Variants in UTRN observed in about 807,000 individuals in gnomAD.
UTRN encodes the protein utrophin.
A neutral mutation model predicts 463.9 loss-of-function variants in UTRN; 283 were observed. That is an observed-to-expected ratio of 0.61 (90% CI 0.55 to 0.67). The LOEUF is 0.67. UTRN is among the 30% of genes least tolerant of loss of function. The pLI is 0.00. For missense variants in UTRN, 3,922 were observed against 4,084.3 expected, an observed-to-expected ratio of 0.96 and a Z score of 1.08; for synonymous variants, 1,442 against 1,431.5, an observed-to-expected ratio of 1.01 and a Z score of -0.17.
intron 2 of UTRN, among the ~76,000 whole-genome samples, chr6:144,333,467 T>C (rs1032599348): frequency 5.3e-5 from 8 of 152,230 alleles, no homozygotes; most frequent in African/African-American, 1.9e-4. Flanking sequence ...ATTTCTGTCA[T>C]GTTGAAGAAG....
chr6:144,493,848 C>CA (rs1375853540), intron 33 of UTRN, among the ~76,000 whole-genome samples: 4 of 150,420 alleles, frequency 2.7e-5, no homozygotes, highest in African/African-American at 4.9e-5. Context: ...AACAAATTTC[C>CA]AAAAAAAAAT....
At chr6:144,404,360 G>A (rs189645925) in intron 3 of UTRN, among the ~76,000 whole-genome samples, 1 of 152,138 alleles carries the variant, frequency 6.6e-6, no homozygotes, top group African/African-American at 2.4e-5. Flanking sequence ...TTTTATTCCA[G>A]AGACACAGGT....
At chr6:144,833,817 G>A (rs1217454199) in intron 69 of UTRN, among the ~76,000 whole-genome samples, 1 of 152,216 alleles carries the variant, frequency 6.6e-6, no homozygotes, top group African/African-American at 2.4e-5. Context: ...CTTCTGCCCC[G>A]GATAACACAG....
chr6:144,411,548 C>A (rs1227342067), intron 3 of UTRN, among the ~76,000 whole-genome samples: 1 of 152,100 alleles, frequency 6.6e-6, no homozygotes, highest in Non-Finnish European at 1.5e-5. Context: ...CATCACTATA[C>A]CGGTAACTTA....
chr6:144,686,593 T>A (rs1438050377), intron 52 of UTRN, among the ~76,000 whole-genome samples: 1 of 152,216 alleles, frequency 6.6e-6, no homozygotes, highest in African/African-American at 2.4e-5. Context: ...CATACATGTT[T>A]AGGATTGTAG....
intron 51 of UTRN, among the ~76,000 whole-genome samples, chr6:144,672,245 T>C (rs1160718337): frequency 6.6e-6 from 1 of 151,948 alleles, no homozygotes; most frequent in African/African-American, 2.4e-5. Context: ...CCAGTTCTTC[T>C]TTGAATGTCT....
intron 69 of UTRN, among the ~76,000 whole-genome samples, chr6:144,829,078 C>G (rs963151098): frequency 2.0e-5 from 3 of 152,108 alleles, no homozygotes; most frequent in African/African-American, 7.2e-5. Context: ...AAAAATCTTA[C>G]ATTTGTCAAC....
At chr6:144,349,271 G>A (rs1176933403) in intron 2 of UTRN, among the ~76,000 whole-genome samples, 1 of 152,208 alleles carries the variant, frequency 6.6e-6, no homozygotes, top group Non-Finnish European at 1.5e-5. Flanking sequence ...GCCTCCCAAA[G>A]TGCTGGGATT....
chr6:144,562,522 A>G (rs1445891347), intron 50 of UTRN, among the ~76,000 whole-genome samples: 3 of 152,176 alleles, frequency 2.0e-5, no homozygotes, highest in Non-Finnish European at 4.4e-5. Flanking sequence ...TGTCCCAGCA[A>G]AGGACATGAT....
At chr6:144,418,785 C>G (rs1166765899) in intron 3 of UTRN, among the ~76,000 whole-genome samples, 2 of 152,002 alleles carry the variant, frequency 1.3e-5, no homozygotes, top group African/African-American at 4.8e-5. Flanking sequence ...AATTCCTGCT[C>G]AAGTGATCCT....
intron 62 of UTRN, among the ~76,000 whole-genome samples, chr6:144,793,274 G>A (rs1002637975): frequency 1.3e-4 from 20 of 150,208 alleles, no homozygotes; most frequent in Non-Finnish European, 3.0e-4. Context: ...TTATTCCTTT[G>A]TGTTTTTTTA....
intron 51 of UTRN, among the ~76,000 whole-genome samples, chr6:144,673,966 A>C (rs1432508833): frequency 6.6e-6 from 1 of 152,192 alleles, no homozygotes; most frequent in Non-Finnish European, 1.5e-5. Flanking sequence ...GGCTAACAAT[A>C]AGACCCCAAT....
intron 3 of UTRN, among the ~76,000 whole-genome samples, chr6:144,406,356 CTT>C (rs57721924): frequency 0.018 from 2,199 of 125,442 alleles, 37 homozygotes; most frequent in African/African-American, 0.068. Context: ...TTTTTCTTTT[CTT>C]TTTTTTTTTT....
intron 54 of UTRN, among the ~76,000 whole-genome samples, chr6:144,747,797 A>C (rs1300382915): frequency 6.6e-6 from 1 of 152,230 alleles, no homozygotes; most frequent in South Asian, 2.1e-4. Flanking sequence ...AACACAATAC[A>C]TTAATCTTAT....
At chr6:144,807,681 C>T (rs1336780925) in intron 65 of UTRN, among the ~76,000 whole-genome samples, 1 of 152,106 alleles carries the variant, frequency 6.6e-6, no homozygotes, top group Non-Finnish European at 1.5e-5. Flanking sequence ...CAGTTTTACC[C>T]TCATCAAAGC....
At chr6:144,619,426 A>G (rs1775116189) in intron 51 of UTRN, among the ~76,000 whole-genome samples, 1 of 152,162 alleles carries the variant, frequency 6.6e-6, no homozygotes, top group African/African-American at 2.4e-5. Flanking sequence ...TCATTATAGA[A>G]TGAAGCTGAA....
chr6:144,489,877 C>G (rs1229794701), intron 30 of UTRN, among the ~76,000 whole-genome samples, 194 bp from the exon 31 acceptor site: 1 of 152,116 alleles, frequency 6.6e-6, no homozygotes, highest in East Asian at 1.9e-4. Context: ...GCCTCGGCCT[C>G]CCAAAGTGTT....
At chr6:144,412,482 T>A (rs982697919) in intron 3 of UTRN, among the ~76,000 whole-genome samples, 1 of 152,152 alleles carries the variant, frequency 6.6e-6, no homozygotes, top group Admixed American at 6.5e-5. Context: ...TTGGGGTTCA[T>A]GAGTTAAAGA....
chr6:144,451,468 C>G lies in UTRN; in HGVS notation c.2171C>G (p.Thr724Ser). Residue 724 changes from threonine to serine, a missense_variant, in exon 18 of 75, where the codon ACT (threonine) becomes AGT (serine). Transcript: ENST00000367545. Reference sequence around the variant, plus strand: ...AAAGAGTATATGAAGATGCAAGACACTTCCGAAATGAAAAAGAAGTTGAAG... The same window carrying G: ...AAAGAGTATATGAAGATGCAAGACAGTTCCGAAATGAAAAAGAAGTTGAAG... The part of the protein sequence containing the change: ...EIKEYMKMQD[T>S]SEMKKKLKAL... The G allele has an allele frequency of 6.2e-7, 1 of 1,610,302 alleles. No individual in the cohort carries two copies. The highest frequency in any genetic ancestry group is 1.1e-5 in the South Asian group (1 of 90,828).
Sources: gnomAD v4.1 joint callset for allele counts (sites outside exome capture counted in the v4.1 genomes callset) on GRCh38, gnomAD v4.1.1 for gene constraint, MANE v1.5 for transcripts, NCBI Gene and HGNC (gene_info 2026-07-23, HGNC 2026-07-21) for gene names.